EMC3: variants seen among roughly 807,000 people sequenced by gnomAD.
EMC3 encodes 30 kDa protein.
Under a neutral mutation model 36.6 loss-of-function variants are expected in EMC3, and 13 were observed. The ratio of observed to expected loss-of-function variants is 0.35; its 90% CI spans 0.23 to 0.56. The LOEUF is 0.56. Among genes scored for constraint, EMC3 ranks in the 20% least tolerant of loss-of-function variants. The pLI is 0.84. For missense variants in EMC3, 220 were observed against 324.5 expected (o/e 0.68, Z 2.47); for synonymous variants, 120 against 111.9 (o/e 1.07, Z -0.46).
At chr3:10,005,640 C>T (rs1310447626) in intron 1 of EMC3, among the ~76,000 whole-genome samples, 1 of 152,140 alleles carries the variant, frequency 6.6e-6, no homozygotes, top group Non-Finnish European at 1.5e-5. Flanking sequence ...GTGTCCTTCA[C>T]TGTAACTGAT....
intron 1 of EMC3, among the ~76,000 whole-genome samples, chr3:9,996,260 A>T (rs1398988692): frequency 1.3e-5 from 2 of 152,202 alleles, no homozygotes; most frequent in Non-Finnish European, 1.5e-5. Context: ...CCTGGGCACC[A>T]TGGTGAAACC....
intron 1 of EMC3, among the ~76,000 whole-genome samples, chr3:9,979,904 T>C (rs1461586749): frequency 2.0e-5 from 3 of 151,956 alleles, no homozygotes; most frequent in Admixed American, 1.3e-4. Flanking sequence ...TCTGAGGACC[T>C]GAGAAAAGGC....
At chr3:10,006,393 T>C (rs1414514055) in intron 1 of EMC3, 3 of 152,250 alleles carry the variant, frequency 2.0e-5, no homozygotes, top group African/African-American at 7.2e-5. Context: ...AATCAAGTCG[T>C]TGTGGTGGTC....
intron 4 of EMC3, 104 bp from the exon 5 acceptor site, chr3:9,973,813 G>T: frequency 9.8e-7 from 1 of 1,023,718 alleles, no homozygotes; most frequent in Non-Finnish European, 1.5e-6. Flanking sequence ...CATAGCTTTT[G>T]GAAAACGACT....
chr3:9,980,224 G>A (rs530702446), intron 1 of EMC3, among the ~76,000 whole-genome samples: 1 of 152,128 alleles, frequency 6.6e-6, no homozygotes, highest in Admixed American at 6.6e-5. Context: ...ATGTTGGCCA[G>A]GCTGGTCTCG....
At chr3:10,000,989 A>G in intron 1 of EMC3, 1 of 268,892 alleles carries the variant, frequency 3.7e-6, no homozygotes, top group South Asian at 3.7e-5. Context: ...GAAGGTTGCC[A>G]CTCCAAAGCC....
At chr3:9,979,967 A>G (rs2085891703) in intron 1 of EMC3, among the ~76,000 whole-genome samples, 1 of 152,004 alleles carries the variant, frequency 6.6e-6, no homozygotes, top group South Asian at 2.1e-4. Context: ...ACAAGACTTG[A>G]GAGGTGTGCA....
At chr3:9,988,492 A>T, upstream of EMC3, 2 of 1,208,372 alleles carry the variant, frequency 1.7e-6, no homozygotes, top group Non-Finnish European at 2.5e-6. Flanking sequence ...GATCTTTGGA[A>T]CTTTGATTAT....
chr3:9,967,421 T>C (rs1157264526), intron 7 of EMC3, among the ~76,000 whole-genome samples: 1 of 74,418 alleles, frequency 1.3e-5, no homozygotes, highest in Middle Eastern at 6.0e-3. Flanking sequence ...CCTCATTCTT[T>C]TGCATGTAGA....
intron 5 of EMC3, among the ~76,000 whole-genome samples, chr3:9,972,497 G>A (rs2085797152): frequency 6.6e-6 from 1 of 150,856 alleles, no homozygotes; most frequent in Non-Finnish European, 1.5e-5. Context: ...CTGGCCAGGC[G>A]TGGTGGCTCA....
chr3:9,994,404 C>T (rs1241675173), intron 1 of EMC3: 2 of 554,840 alleles, frequency 3.6e-6, no homozygotes, highest in Admixed American at 2.5e-5. Flanking sequence ...TTGGTTGGAA[C>T]TTACTGAAGG....
At position 9,980,540 on chromosome 3, in the gene EMC3, GTTTTGTTTT is replaced by G. The variant is rs1559352771; in HGVS notation, c.156-3103_156-3095del. On this transcript the variant is annotated intron_variant, in intron 1 of 7. Coordinates refer to ENST00000245046, the MANE Select transcript of EMC3 (RefSeq NM_001394674.1). ...ACCATGACACCTGGCAAACTTTTGTGTTTTGTTTTTTTTGTTTTTTTTTTTTTTGTAGAG... is the reference window on the plus strand; with the variant it reads ...ACCATGACACCTGGCAAACTTTTGTGTTTTGTTTTTTTTTTTTTTGTAGAG... Among the ~76,000 whole-genome samples the G allele has an allele frequency of 4.8e-5, 7 of 144,718 alleles. No individual in the cohort carries two copies. In the South Asian group the frequency reaches 9.0e-4, roughly 19 times the overall value. 94.9% of individuals were successfully genotyped at this position (144,718 alleles called of 152,430 possible). A position where few individuals can be genotyped will look rare whatever the true frequency, so the allele number is the denominator to read the frequency against.
intron 1 of EMC3, among the ~76,000 whole-genome samples, chr3:10,001,224 G>C (rs2086194882): frequency 6.6e-6 from 1 of 151,954 alleles, no homozygotes; most frequent in South Asian, 2.1e-4. Context: ...TTGTTGAAAA[G>C]ATGGTCCTTT....
chr3:9,982,676 TC>T (rs1453328231), intron 1 of EMC3, among the ~76,000 whole-genome samples: 1 of 152,024 alleles, frequency 6.6e-6, no homozygotes, highest in Non-Finnish European at 1.5e-5. Flanking sequence ...TCACTTGAGC[TC>T]AGGAGTTTGA....
At chr3:9,981,105 T>TGAG (rs1454370120) in intron 1 of EMC3, among the ~76,000 whole-genome samples, 3 of 152,134 alleles carry the variant, frequency 2.0e-5, no homozygotes, top group Admixed American at 6.6e-5. Flanking sequence ...CTCGGGAGGC[T>TGAG]GTGGGAGGAT....
At chr3:9,989,478 T>TA (rs2086019809), upstream of EMC3, among the ~76,000 whole-genome samples, 1 of 152,194 alleles carries the variant, frequency 6.6e-6, no homozygotes, top group Admixed American at 6.5e-5. Flanking sequence ...TCTCAAAAGA[T>TA]AAAAAGCCAG....
intron 7 of EMC3, chr3:9,969,349 C>A: frequency 9.0e-7 from 1 of 1,106,342 alleles, no homozygotes; most frequent in East Asian, 8.4e-5. Context: ...ATTCTAGAAC[C>A]TTTTTGTGAA....
At chr3:9,968,144 T>C (rs1312473953) in intron 7 of EMC3, among the ~76,000 whole-genome samples, 1 of 152,224 alleles carries the variant, frequency 6.6e-6, no homozygotes, top group Non-Finnish European at 1.5e-5. Context: ...ATGGTCTTGA[T>C]CTCTTGACGT....
chr3:9,994,958 AT>A (rs201140025), intron 1 of EMC3, among the ~76,000 whole-genome samples: 4,657 of 139,054 alleles, frequency 0.033, 250 homozygotes, highest in African/African-American at 0.13. Flanking sequence ...ACAGTGTCTT[AT>A]TTTGTATTTG....
Sources: allele counts gnomAD v4.1 joint callset (sites outside exome capture counted in the v4.1 genomes callset), GRCh38; gene constraint gnomAD v4.1.1; transcripts MANE v1.5; gene names NCBI Gene and HGNC (gene_info 2026-07-23, HGNC 2026-07-21).